The following ERG variants were observed in gnomAD, a reference collection of about 807,000 sequenced individuals.
The protein encoded by ERG is ETS transcription factor ERG, also known as transcriptional regulator ERG.
Under a neutral mutation model 55.3 loss-of-function variants are expected in ERG, and 9 were observed. The observed-to-expected ratio is 0.16, with a 90% confidence interval of 0.10 to 0.28. The LOEUF is 0.28. Among genes scored for constraint, ERG ranks in the 10% least tolerant of loss-of-function variants. The pLI, the probability that ERG is intolerant of heterozygous loss-of-function variation, is 1.00. For missense variants in ERG, 434 were observed against 631.6 expected (o/e 0.69, Z 3.35); for synonymous variants, 223 against 237.3 (o/e 0.94, Z 0.55).
At chr21:38,512,943 C>T (rs532970413) in intron 2 of ERG, among the ~76,000 whole-genome samples, 80 of 152,068 alleles carry the variant, frequency 5.3e-4, no homozygotes, top group Non-Finnish European at 9.3e-4. Flanking sequence ...CCACCCTGGG[C>T]AACATGGTGA....
intron 6 of ERG, among the ~76,000 whole-genome samples, chr21:38,396,607 G>C (rs1988232162): frequency 6.6e-6 from 1 of 152,236 alleles, no homozygotes; most frequent in East Asian, 1.9e-4. Context: ...TATATGGGTT[G>C]TCATGGGGAT....
At chr21:38,463,672 T>G (rs975954209) in intron 1 of ERG, among the ~76,000 whole-genome samples, 7 of 152,116 alleles carry the variant, frequency 4.6e-5, no homozygotes, top group African/African-American at 1.7e-4. Flanking sequence ...GTGGGGAGCA[T>G]TTCCAGATGG....
intron 3 of ERG, among the ~76,000 whole-genome samples, chr21:38,415,702 G>C (rs951708776): frequency 3.3e-5 from 5 of 151,938 alleles, no homozygotes; most frequent in Non-Finnish European, 5.9e-5. Context: ...AAGTGTTCCC[G>C]GGAAAGTCAT....
chr21:38,610,560 G>C (rs1362089638), intron 1 of ERG, among the ~76,000 whole-genome samples: 1 of 151,056 alleles, frequency 6.6e-6, no homozygotes, highest in African/African-American at 2.5e-5. Flanking sequence ...TTTAGCAAGA[G>C]GGGCTTGAAT....
At chr21:38,445,717 C>A in intron 1 of ERG, 96 bp from the exon 2 acceptor site, 1 of 901,690 alleles carries the variant, frequency 1.1e-6, no homozygotes, top group Non-Finnish European at 1.8e-6. Context: ...ACTGGGACCA[C>A]ATTTTAGATC....
At chr21:38,566,231 C>T (rs1193767112) in intron 2 of ERG, among the ~76,000 whole-genome samples, 1 of 152,114 alleles carries the variant, frequency 6.6e-6, no homozygotes, top group Admixed American at 6.5e-5. Context: ...CCAGCAAAAA[C>T]CCATAATAAG....
At chr21:38,489,792 T>C (rs759732162) in intron 1 of ERG, among the ~76,000 whole-genome samples, 17 of 152,146 alleles carry the variant, frequency 1.1e-4, no homozygotes, top group African/African-American at 1.7e-4. Context: ...TTTCCTGGGG[T>C]AAGAGAAGTG....
chr21:38,400,795 T>C (rs1412680642), intron 5 of ERG, 150 bp from the exon 6 acceptor site: 1 of 610,772 alleles, frequency 1.6e-6, no homozygotes, highest in African/African-American at 1.9e-5. Context: ...AACAGACAGG[T>C]GCACCTGTCA....
At chr21:38,534,976 C>T (rs1254455314) in intron 2 of ERG, among the ~76,000 whole-genome samples, 3 of 151,656 alleles carry the variant, frequency 2.0e-5, no homozygotes, top group Non-Finnish European at 4.4e-5. Flanking sequence ...TTTAAAGTTC[C>T]GAGGGACATG....
chr21:38,477,830 A>G (rs1204167477), intron 1 of ERG, among the ~76,000 whole-genome samples: 1 of 152,246 alleles, frequency 6.6e-6, no homozygotes, highest in East Asian at 1.9e-4. Flanking sequence ...CCAAACCTCT[A>G]TGTTACTGAC....
At chr21:38,533,506 T>C (rs2059687175) in intron 2 of ERG, among the ~76,000 whole-genome samples, 3 of 152,192 alleles carry the variant, frequency 2.0e-5, no homozygotes. Flanking sequence ...ACAGCTATAA[T>C]ATTTTTTAAA....
chr21:38,605,112 C>A (rs1358518252), intron 1 of ERG, among the ~76,000 whole-genome samples: 1 of 152,134 alleles, frequency 6.6e-6, no homozygotes, highest in Non-Finnish European at 1.5e-5. Context: ...AAAATACCGG[C>A]TATTTTTGTT....
intron 3 of ERG, among the ~76,000 whole-genome samples, chr21:38,414,050 CA>C: frequency 6.6e-6 from 1 of 152,312 alleles, no homozygotes; most frequent in East Asian, 1.9e-4. Flanking sequence ...TCTGGAGGAT[CA>C]AAGTCTGAAA....
intron 5 of ERG, among the ~76,000 whole-genome samples, chr21:38,401,685 G>A (rs1481011529): frequency 1.3e-5 from 2 of 152,144 alleles, no homozygotes; most frequent in Non-Finnish European, 2.9e-5. Flanking sequence ...TCCCTAGCCC[G>A]AGTGATTGTG....
At chr21:38,610,526 C>CGCGTGT (rs924177456) in intron 1 of ERG, among the ~76,000 whole-genome samples, 41 of 150,384 alleles carry the variant, frequency 2.7e-4, no homozygotes, top group Admixed American at 2.6e-4. Context: ...CGCGCACGCG[C>CGCGTGT]GTGTGTGTGT....
At chr21:38,379,766 G>C (rs1049054128), downstream of ERG, among the ~76,000 whole-genome samples, 1 of 152,118 alleles carries the variant, frequency 6.6e-6, no homozygotes, top group African/African-American at 2.4e-5. Flanking sequence ...TTGAATCAGG[G>C]TGTCACTCTG....
At chr21:38,449,436 C>A (rs184781941) in intron 1 of ERG, among the ~76,000 whole-genome samples, 32 of 152,258 alleles carry the variant, frequency 2.1e-4, no homozygotes, top group Admixed American at 1.9e-3. Context: ...ACGGAATATA[C>A]CAATAACACA....
At chr21:38,503,368 CT>C (rs35953821), upstream of ERG, among the ~76,000 whole-genome samples, 351 of 148,604 alleles carry the variant, frequency 2.4e-3, 1 homozygote, top group South Asian at 0.014. Flanking sequence ...GCATAGAGCT[CT>C]TTTTTTTTTT....
chr21:38,410,023 A>G (rs1988971641), intron 3 of ERG, among the ~76,000 whole-genome samples: 1 of 152,230 alleles, frequency 6.6e-6, no homozygotes, highest in African/African-American at 2.4e-5. Flanking sequence ...TTTGTTTTAT[A>G]TTTTTCTGTG....
Sources: gnomAD v4.1 joint callset for allele counts (sites outside exome capture counted in the v4.1 genomes callset) on GRCh38, gnomAD v4.1.1 for gene constraint, MANE v1.5 for transcripts, NCBI Gene and HGNC (gene_info 2026-07-23, HGNC 2026-07-21) for gene names.